OR4K1: variants seen among roughly 807,000 people sequenced by gnomAD.
The protein encoded by OR4K1 is olfactory receptor family 4 subfamily K member 1, also known as olfactory receptor 4K1.
A neutral mutation model predicts 14.4 loss-of-function variants in OR4K1; 16 were observed. The ratio of observed to expected loss-of-function variants is 1.11; its 90% CI spans 0.75 to 1.68. The LOEUF is 1.68. Among genes scored for constraint, OR4K1 ranks in the 40% most tolerant of loss-of-function variants. The pLI, the probability that OR4K1 is intolerant of heterozygous loss-of-function variation, is 0.00. For synonymous variants in OR4K1, 181 were observed against 133.1 expected (o/e 1.36, Z -2.48); for missense variants, 548 against 376.9 (o/e 1.45, Z -3.76).
chr14:19,927,503 C>T (rs898282061), upstream of OR4K1, among the ~76,000 whole-genome samples: 8 of 152,310 alleles, frequency 5.3e-5, no homozygotes, highest in Middle Eastern at 3.4e-3. Context: ...TGAGGATGAA[C>T]GTATGTGAGT....
At chr14:19,932,918 T>C (rs903349355) in intron 1 of OR4K1, among the ~76,000 whole-genome samples, 4 of 151,742 alleles carry the variant, frequency 2.6e-5, no homozygotes, top group East Asian at 1.9e-4. Context: ...ACATCTATTA[T>C]AGCAAATATT....
At chr14:19,921,352 T>C in the OR4K1 span, 1 of 1,614,080 alleles carries the variant, frequency 6.2e-7, no homozygotes, top group African/African-American at 1.3e-5. Context: ...GTAGTAATAT[T>C]ATTCTTTGGA....
upstream of OR4K1, among the ~76,000 whole-genome samples, chr14:19,927,067 G>A (rs1264953900): frequency 6.6e-6 from 1 of 152,220 alleles, no homozygotes; most frequent in East Asian, 1.9e-4. Flanking sequence ...ATCACACATT[G>A]GAAATGGCAT....
the OR4K1 span, among the ~76,000 whole-genome samples, chr14:19,922,077 C>CT: frequency 7.7e-6 from 1 of 129,438 alleles, no homozygotes; most frequent in East Asian, 2.0e-4. Flanking sequence ...ACTCCCCCCC[C>CT]CAAAAATCAA....
intron 1 of OR4K1, among the ~76,000 whole-genome samples, chr14:19,933,267 AT>A (rs1882226738): frequency 6.6e-6 from 1 of 152,066 alleles, no homozygotes; most frequent in Non-Finnish European, 1.5e-5. Flanking sequence ...AAAATAAATA[AT>A]TTTTTATTCC....
the OR4K1 span, among the ~76,000 whole-genome samples, chr14:19,924,854 T>A: frequency 6.6e-6 from 1 of 152,244 alleles, no homozygotes; most frequent in African/African-American, 2.4e-5. Context: ...ATTTAATTAA[T>A]TCTTATTTAA....
chr14:19,928,259 A>G (rs928336139), upstream of OR4K1, among the ~76,000 whole-genome samples: 2 of 152,206 alleles, frequency 1.3e-5, no homozygotes, highest in Admixed American at 1.3e-4. Flanking sequence ...CAACAATTCT[A>G]GGATTTACTA....
upstream of OR4K1, among the ~76,000 whole-genome samples, chr14:19,927,873 C>T (rs1350488239): frequency 6.6e-6 from 1 of 152,210 alleles, no homozygotes; most frequent in Non-Finnish European, 1.5e-5. Flanking sequence ...TAGGATTCCA[C>T]AGAGATTGTC....
At chr14:19,926,814 T>A (rs972702698), upstream of OR4K1, among the ~76,000 whole-genome samples, 150 of 152,358 alleles carry the variant, frequency 9.8e-4, 1 homozygote, top group African/African-American at 3.5e-3. Flanking sequence ...AAGGACATTG[T>A]GTAGATTATT....
intron 1 of OR4K1, among the ~76,000 whole-genome samples, chr14:19,934,931 T>C (rs1023740361): frequency 2.0e-5 from 3 of 152,122 alleles, no homozygotes; most frequent in Non-Finnish European, 4.4e-5. Flanking sequence ...CCTTGGCCTC[T>C]CAAAGTGCTG....
chr14:19,925,435 A>G, the OR4K1 span, among the ~76,000 whole-genome samples: 1 of 152,278 alleles, frequency 6.6e-6, no homozygotes, highest in African/African-American at 2.4e-5. Context: ...TAACCCATAC[A>G]ATGAGTTAAT....
rs530430568 is a variant in OR4K1 at position 19,936,674 on chromosome 14, C to A, written c.*72C>A. ...CAGTGTATCATAGTGTCATGCCAAC[C>A]ATCTTTGCCAGACATATGGGTTATT... On this transcript the variant is annotated 3_prime_UTR_variant, in exon 2 of 2. Transcript: ENST00000641172. 5.5e-5 allele frequency: 76 copies of A among 1,373,780 alleles called. No individual in the cohort carries two copies. Among genetic ancestry groups the A allele is most frequent in the Non-Finnish European group, 7.3e-5 (74 of 1,016,218 alleles). 85.1% of individuals were successfully genotyped at this position (1,373,780 alleles called of 1,614,324 possible).
upstream of OR4K1, among the ~76,000 whole-genome samples, chr14:19,929,556 A>C (rs1386171782): frequency 6.6e-6 from 1 of 152,130 alleles, no homozygotes; most frequent in African/African-American, 2.4e-5. Context: ...TTTATCTCCT[A>C]GTAATCTTTG....
At chr14:19,921,443 C>A in the OR4K1 span, 1 of 1,614,090 alleles carries the variant, frequency 6.2e-7, no homozygotes, top group Non-Finnish European at 8.5e-7. Flanking sequence ...CTGTTTTCAC[C>A]CCCGTCCTAA....
the OR4K1 span, chr14:19,921,450 C>T: frequency 6.2e-7 from 1 of 1,614,114 alleles, no homozygotes; most frequent in Non-Finnish European, 8.5e-7. Flanking sequence ...CACCCCCGTC[C>T]TAAACCCCAT....
upstream of OR4K1, among the ~76,000 whole-genome samples, chr14:19,929,094 T>C (rs1347011654): frequency 6.6e-6 from 1 of 151,866 alleles, no homozygotes; most frequent in Non-Finnish European, 1.5e-5. Flanking sequence ...TTCACGTGCT[T>C]TTTTCTAATT....
Position 19,936,543 on chromosome 14 carries a change from G to C in OR4K1, c.877G>C (p.Asp293His). ...CATCATCTACTCTCTGAGGAATGAA[G>C]ATGTTAAAGCAGCCATGTGGAAGCT... is the stretch of plus-strand genomic sequence containing the variant. ...NPIIYSLRNE[D>H]VKAAMWKLRN... Residue 293 changes from aspartate (D) to histidine (H), a missense_variant, in exon 2 of 2, where the codon GAT (aspartate) becomes CAT (histidine). Physicochemically the swap from Asp to His is moderately conservative, Grantham distance 81. Transcript: ENST00000641172. 1 of 1,612,118 alleles carries C rather than the reference G, an allele frequency of 6.2e-7. No individual in the cohort carries two copies. The highest frequency in any genetic ancestry group is 8.5e-7 in the Non-Finnish European group (1 of 1,179,402).
chr14:19,927,419 T>C (rs1378022635), upstream of OR4K1, among the ~76,000 whole-genome samples: 29 of 152,346 alleles, frequency 1.9e-4, no homozygotes, highest in African/African-American at 6.5e-4. Flanking sequence ...CTTTGAAAAA[T>C]GGCTTTGCTA....
the OR4K1 span, among the ~76,000 whole-genome samples, chr14:19,922,626 T>C: frequency 6.6e-6 from 1 of 151,258 alleles, no homozygotes; most frequent in Non-Finnish European, 1.5e-5. Flanking sequence ...ACGATTCAGA[T>C]TCAGATTTAA....
Sources: gnomAD v4.1 joint callset for allele counts (sites outside exome capture counted in the v4.1 genomes callset) on GRCh38, gnomAD v4.1.1 for gene constraint, MANE v1.5 for transcripts, NCBI Gene and HGNC (gene_info 2026-07-23, HGNC 2026-07-21) for gene names.